Variants in TG observed in about 807,000 individuals in gnomAD.
The protein encoded by TG is thyroglobulin.
A neutral mutation model predicts 324.7 loss-of-function variants in TG; 270 were observed. The ratio of observed to expected loss-of-function variants is 0.83; its 90% CI spans 0.75 to 0.92. The LOEUF (loss-of-function observed/expected upper bound fraction) is 0.92. TG is among the 40% of genes least tolerant of loss of function. TG has a pLI of 0.00. For synonymous variants in TG, 1,401 were observed against 1,327.0 expected (o/e 1.06, Z -1.21); for missense variants, 3,591 against 3,456.4 (o/e 1.04, Z -0.98).
rs114051078 is a variant in TG, at chr8:132,875,875, C to A, written c.638+2654C>A. On this transcript the variant is annotated intron_variant, in intron 5 of 47. Coordinates refer to ENST00000220616, the MANE Select transcript of TG (RefSeq NM_003235.5). ...CGATACTTAAGTAGACCTGGGTAGT[C>A]GCAGGCCCAGTGACTTCTCTGGGCA... 3.6e-3 allele frequency among the ~76,000 whole-genome samples: 546 copies of A among 152,180 alleles called. 2 individuals are homozygous for A. The highest frequency in any genetic ancestry group is 0.013 in the African/African-American group (521 of 41,504).
At chr8:132,945,561 G>T (rs569451014) in intron 26 of TG, among the ~76,000 whole-genome samples, 1 of 152,136 alleles carries the variant, frequency 6.6e-6, no homozygotes, top group Non-Finnish European at 1.5e-5. Flanking sequence ...AGGGAAGTGT[G>T]GATGGGAGAT....
chr8:133,047,967 A>C, intron 41 of TG: 1 of 1,347,810 alleles, frequency 7.4e-7, no homozygotes, highest in Non-Finnish European at 1.1e-6. Flanking sequence ...TAGGATCCGG[A>C]ACAAGCCCTC....
At chr8:133,019,524 T>A (rs1835365024) in intron 38 of TG, 78 bp from the exon 39 acceptor site, 9 of 1,251,406 alleles carry the variant, frequency 7.2e-6, no homozygotes, top group Non-Finnish European at 1.1e-5. Context: ...AATGGGGTAG[T>A]GGGCTCTGAC....
rs557079544 is a variant in TG at position 133,100,175 on chromosome 8, G to A, written c.7572+3802G>A. ...TGAGCACATCCCATATCAGGGTCCT[G>A]GTACTTGCTGTTTTTTCTTCTGGAA... On this transcript the variant is annotated intron_variant, in intron 43 of 47. Transcript: ENST00000220616. 7.2e-5 allele frequency among the ~76,000 whole-genome samples: 11 copies of A among 152,278 alleles called. 1 individual carries two copies. In the East Asian group the frequency reaches 2.1e-3, roughly 29 times the overall value.
chr8:132,981,607 C>T (rs778704427), intron 34 of TG, among the ~76,000 whole-genome samples: 6 of 152,160 alleles, frequency 3.9e-5, no homozygotes, highest in South Asian at 2.1e-4. Flanking sequence ...GCTCCCAGAA[C>T]GTGAGATGAC....
intron 41 of TG, among the ~76,000 whole-genome samples, chr8:133,056,761 G>A (rs185221671): frequency 1.3e-3 from 194 of 152,284 alleles, no homozygotes; most frequent in African/African-American, 2.3e-3. Flanking sequence ...AATCATTCCC[G>A]TTTTACAAAG....
rs142487164 is a variant in TG at position 133,034,719 on chromosome 8, T to A, written c.7239+4696T>A. On this transcript the variant is annotated intron_variant, in intron 41 of 47. Coordinates refer to ENST00000220616, the MANE Select transcript of TG (RefSeq NM_003235.5). The stretch of plus-strand genomic sequence containing the variant: ...GGCAGTCCAGGTGTCTCTGGATCAC[T>A]CAGGGCTCTGGTTTCTTCTGGATAT... Among the ~76,000 whole-genome samples, 44 of 152,296 alleles carry A rather than the reference T, an allele frequency of 2.9e-4. No individual in the cohort carries two copies. The East Asian group carries it at 8.1e-3, about 28-fold the overall frequency.
intron 35 of TG, among the ~76,000 whole-genome samples, chr8:133,009,974 T>C (rs2130877790): frequency 6.6e-6 from 1 of 152,278 alleles, no homozygotes; most frequent in South Asian, 2.1e-4. Context: ...TTTAGTGAAC[T>C]CTCCACCAGT....
rs1283730455 is a variant in TG at position 132,901,360 on chromosome 8, C to G, written c.3441C>G (p.Ser1147Arg). The G allele has an allele frequency of 6.2e-7, 1 of 1,614,130 alleles. No homozygotes were observed. Among genetic ancestry groups the G allele is most frequent in the East Asian group, 2.2e-5 (1 of 44,878 alleles). Residue 1147 changes from serine to arginine, a missense_variant, in exon 16 of 48, where the codon AGC becomes AGG. Coordinates refer to ENST00000220616, the MANE Select transcript of TG (RefSeq NM_003235.5). ...GGCTTGTCTCTGTGTCAGGCCCAAG[C>G]CTCTGCAATGTGCTCAAGAGTGGAG... Reference protein sequence around the residue: ...PGSSSSAQCPSLCNVLKSGVL... With the variant: ...PGSSSSAQCPRLCNVLKSGVL...
intron 44 of TG, among the ~76,000 whole-genome samples, chr8:133,113,875 C>A (rs527968649): frequency 6.6e-6 from 1 of 152,136 alleles, no homozygotes; most frequent in South Asian, 2.1e-4. Flanking sequence ...AGGGAGCTGT[C>A]GGAGGGCAGA....
chr8:133,029,531 A>G (rs1836421356), intron 40 of TG, among the ~76,000 whole-genome samples: 1 of 152,192 alleles, frequency 6.6e-6, no homozygotes, highest in Admixed American at 6.5e-5. Context: ...GCTGTGGCTC[A>G]GAGAGTTGTA....
intron 20 of TG, among the ~76,000 whole-genome samples, chr8:132,917,750 T>A (rs555913861): frequency 6.6e-6 from 1 of 152,176 alleles, no homozygotes; most frequent in East Asian, 1.9e-4. Flanking sequence ...GAAATGCGGC[T>A]GTCAATGTTG....
chr8:132,944,712 G>A (rs1033371428), intron 26 of TG, among the ~76,000 whole-genome samples: 1 of 152,208 alleles, frequency 6.6e-6, no homozygotes, highest in Admixed American at 6.5e-5. Context: ...TCCAGAGGGA[G>A]AAAAGGATAA....
chr8:133,133,114 A>G (rs931174672), intron 46 of TG, among the ~76,000 whole-genome samples: 2 of 152,224 alleles, frequency 1.3e-5, no homozygotes, highest in Non-Finnish European at 2.9e-5. Flanking sequence ...AAGCAAGGAC[A>G]TTCCAAAGGC....
chr8:133,122,818 A>T (rs1851243169), intron 45 of TG, among the ~76,000 whole-genome samples: 1 of 152,070 alleles, frequency 6.6e-6, no homozygotes, highest in Non-Finnish European at 1.5e-5. Context: ...AGAGAAAAAA[A>T]CTCACCAGCT....
intron 46 of TG, among the ~76,000 whole-genome samples, chr8:133,132,832 C>G (rs1852045746): frequency 6.6e-6 from 1 of 152,104 alleles, no homozygotes; most frequent in African/African-American, 2.4e-5. Flanking sequence ...TAAGCTGGGC[C>G]TTGGGGGATA....
intron 36 of TG, among the ~76,000 whole-genome samples, chr8:133,013,210 C>A (rs186073098): frequency 6.6e-6 from 1 of 152,236 alleles, no homozygotes; most frequent in African/African-American, 2.4e-5. Context: ...TTATTTCCAT[C>A]CCCTGGTACA....
chr8:133,050,183 C>A lies in TG; in HGVS notation c.7239+20160C>A, dbSNP rs547066247. The A allele has an allele frequency of 7.9e-4, 461 of 582,600 alleles. 3 individuals are homozygous for A. Among genetic ancestry groups the A allele is most frequent in the Non-Finnish European group, 1.3e-3 (407 of 323,754 alleles). 36.1% of individuals were successfully genotyped at this position (582,600 alleles called of 1,614,324 possible). A position where few individuals can be genotyped will look rare whatever the true frequency, so the allele number is the denominator to read the frequency against. ...AAGGATATGTGTCCAGTGGATAGCC[C>A]TCCATTGCAAGCCAACTGGTAAACC... On this transcript the variant is annotated intron_variant, in intron 41 of 47. Transcript: ENST00000220616.
chr8:133,024,192 A>G (rs1293591539), intron 40 of TG, among the ~76,000 whole-genome samples: 1 of 152,230 alleles, frequency 6.6e-6, no homozygotes, highest in Non-Finnish European at 1.5e-5. Context: ...TGGAACAACA[A>G]GAAATACTGT....
Sources: allele counts gnomAD v4.1 joint callset (sites outside exome capture counted in the v4.1 genomes callset), GRCh38; gene constraint gnomAD v4.1.1; transcripts MANE v1.5; gene names NCBI Gene and HGNC (gene_info 2026-07-23, HGNC 2026-07-21).